Variants in TANC1 observed in about 807,000 individuals in gnomAD.
TANC1 encodes the protein tetratricopeptide repeat, ankyrin repeat and coiled-coil containing 1, also known as protein TANC1.
In TANC1, 77 loss-of-function variants were observed where a neutral mutation model predicts 149.7. The observed-to-expected ratio is 0.51, with a 90% CI of 0.43 to 0.62. The LOEUF is 0.62. Ranked by LOEUF, TANC1 falls within the 20% of genes least tolerant of loss-of-function variation. The pLI, the probability that TANC1 is intolerant of heterozygous loss-of-function variation, is 0.00. For missense variants in TANC1, 1,985 were observed against 2,321.8 expected (o/e 0.85, Z 2.98); for synonymous variants, 854 against 925.0 (o/e 0.92, Z 1.39).
intron 2 of TANC1, among the ~76,000 whole-genome samples, chr2:159,007,892 G>A (rs1421350020): frequency 2.0e-5 from 3 of 152,176 alleles, no homozygotes; most frequent in South Asian, 2.1e-4. Flanking sequence ...ACTGTGACAG[G>A]GCAGGTGCAG....
chr2:159,041,446 C>G (rs191409872), intron 2 of TANC1, among the ~76,000 whole-genome samples: 1 of 152,192 alleles, frequency 6.6e-6, no homozygotes, highest in African/African-American at 2.4e-5. Context: ...CCACACAGTT[C>G]GAGCTTCCCG....
intron 2 of TANC1, among the ~76,000 whole-genome samples, chr2:159,022,415 G>A (rs2038902818): frequency 6.6e-6 from 1 of 152,102 alleles, no homozygotes; most frequent in Non-Finnish European, 1.5e-5. Context: ...GTTTGTTCCG[G>A]GGTTCTATTC....
chr2:159,084,054 A>G (rs2044569041), intron 3 of TANC1, among the ~76,000 whole-genome samples: 1 of 152,214 alleles, frequency 6.6e-6, no homozygotes, highest in African/African-American at 2.4e-5. Flanking sequence ...GTTCGAGACC[A>G]TCCTGGCCAA....
chr2:159,141,148 C>G (rs934515405), intron 5 of TANC1, among the ~76,000 whole-genome samples: 2 of 152,186 alleles, frequency 1.3e-5, no homozygotes, highest in Non-Finnish European at 2.9e-5. Flanking sequence ...GATGGAAAGT[C>G]CAAGATCAAG....
intron 5 of TANC1, among the ~76,000 whole-genome samples, chr2:159,142,932 G>A (rs1210437442): frequency 2.0e-5 from 3 of 151,740 alleles, no homozygotes; most frequent in Non-Finnish European, 4.4e-5. Flanking sequence ...GCATGGTGGT[G>A]GGCACCTGTA....
intron 15 of TANC1, 43 bp downstream of exon 15, chr2:159,185,942 T>C: frequency 6.9e-7 from 1 of 1,457,776 alleles, no homozygotes; most frequent in Non-Finnish European, 9.6e-7. Flanking sequence ...TTTGTTGTCA[T>C]TTTGAGGTTT....
chr2:159,058,921 A>G (rs1574390781), intron 2 of TANC1, among the ~76,000 whole-genome samples: 2 of 152,354 alleles, frequency 1.3e-5, no homozygotes, highest in East Asian at 1.9e-4. Flanking sequence ...TTTCACCACA[A>G]TAGTTTCCAC....
intron 4 of TANC1, among the ~76,000 whole-genome samples, chr2:159,129,278 G>A (rs900022987): frequency 5.9e-5 from 9 of 152,128 alleles, no homozygotes; most frequent in Admixed American, 2.6e-4. Flanking sequence ...AGATAAAGCT[G>A]GGTTTGGTTT....
intron 3 of TANC1, among the ~76,000 whole-genome samples, chr2:159,078,052 T>C (rs1559215778): frequency 6.6e-6 from 1 of 152,232 alleles, no homozygotes. Flanking sequence ...CACATTTTTA[T>C]ATGTTTATGG....
At chr2:159,076,542 A>T (rs2043697763) in intron 3 of TANC1, among the ~76,000 whole-genome samples, 2 of 152,212 alleles carry the variant, frequency 1.3e-5, no homozygotes, top group Admixed American at 1.3e-4. Flanking sequence ...AGTTCCCAAC[A>T]GTAGATGGGG....
intron 4 of TANC1, among the ~76,000 whole-genome samples, chr2:159,122,149 G>A (rs1021871595): frequency 6.6e-6 from 1 of 152,154 alleles, no homozygotes; most frequent in Non-Finnish European, 1.5e-5. Flanking sequence ...TATTACCCAG[G>A]CTGGTCTGGA....
chr2:159,230,473 A>T lies in TANC1; in HGVS notation c.5047A>T (p.Thr1683Ser), dbSNP rs2060280669. 1 of 1,614,054 alleles carries T rather than the reference A, an allele frequency of 6.2e-7. No homozygotes were observed. Among genetic ancestry groups the T allele is most frequent in the African/African-American group, 1.3e-5 (1 of 74,918 alleles). Residue 1683 changes from threonine to serine, a missense_variant, in exon 27 of 27, where the codon ACT becomes TCT. Thr to Ser is a moderately conservative substitution (Grantham distance 58, BLOSUM62 1). Transcript: ENST00000263635. The surrounding 1 kb of genome is among the most constrained non-coding windows in gnomAD (Gnocchi z 4.4). Reference protein sequence around the residue: ...IKMSSSTSSLTSSSSFSDGFK... With the variant: ...IKMSSSTSSLSSSSSFSDGFK... Reference sequence around the variant, plus strand: ...GATGTCAAGTTCAACCAGTAGTTTGACTTCGAGCAGCAGTTTTTCAGATGG... The same window carrying T: ...GATGTCAAGTTCAACCAGTAGTTTGTCTTCGAGCAGCAGTTTTTCAGATGG...
Position 159,178,438 on chromosome 2 carries a change from C to A in TANC1, c.1903-118C>A, listed in dbSNP as rs1256166989. The A allele has an allele frequency of 9.2e-6, 11 of 1,190,282 alleles. No individual in the cohort carries two copies. The Admixed American group carries it at 2.5e-4, about 27-fold the overall frequency. The allele number at this position is 1,190,282 out of a possible 1,614,324, so 73.7% of individuals were successfully genotyped here. A position where few individuals can be genotyped will look rare whatever the true frequency, so the allele number is the denominator to read the frequency against. ...ACGTTTTAATACAAAACAATGAGTC[C>A]CTGTAATCCATGAAAATCCTCCTTG... is the stretch of plus-strand genomic sequence containing the variant. On this transcript the variant is annotated intron_variant, in intron 13 of 26. Coordinates refer to ENST00000263635, the MANE Select transcript of TANC1 (RefSeq NM_033394.3).
In TANC1 at chr2:159,019,651, CTGTTTTTTTTTTTTTTT is replaced by C. The variant is rs2038623731; in HGVS notation, c.-16+18464_-16+18480del. ...TCCCTAACTGCAGCTTGCTTTCTTT[CTGTTTTTTTTTTTTTTT>C]TTTTTTTTTTTTTTTTTTGAGGCAG... is the stretch of plus-strand genomic sequence containing the variant. On this transcript the variant is annotated intron_variant, in intron 2 of 26. Coordinates refer to ENST00000263635, the MANE Select transcript of TANC1 (RefSeq NM_033394.3). Among the ~76,000 whole-genome samples, 8 of 61,280 alleles carry C rather than the reference CTGTTTTTTTTTTTTTTT, an allele frequency of 1.3e-4. No homozygotes were observed. In the Admixed American group the frequency reaches 1.6e-3, roughly 12 times the overall value. 40.2% of individuals were successfully genotyped at this position (61,280 alleles called of 152,430 possible).
chr2:159,014,611 G>A (rs182553720), intron 2 of TANC1, among the ~76,000 whole-genome samples: 39 of 152,264 alleles, frequency 2.6e-4, no homozygotes, highest in African/African-American at 9.4e-4. Flanking sequence ...ATAGTCCAAA[G>A]TCTTATCTGA....
intron 1 of TANC1, among the ~76,000 whole-genome samples, chr2:158,999,094 G>C (rs1170976789): frequency 1.3e-5 from 2 of 152,160 alleles, no homozygotes; most frequent in Non-Finnish European, 1.5e-5. Flanking sequence ...ACCAAAGCCT[G>C]AGGCTGGGGA....
intron 2 of TANC1, among the ~76,000 whole-genome samples, chr2:159,054,871 C>G (rs967271898): frequency 2.0e-5 from 3 of 152,134 alleles, no homozygotes; most frequent in African/African-American, 7.2e-5. Context: ...AAAGTTTCCC[C>G]CTTAAAAATT....
intron 4 of TANC1, among the ~76,000 whole-genome samples, chr2:159,122,236 C>A (rs2048920180): frequency 6.6e-6 from 1 of 152,132 alleles, no homozygotes; most frequent in Admixed American, 6.5e-5. Context: ...CTGTTCCTGG[C>A]CTATTTTTTA....
At chr2:159,183,502 T>C (rs2056686616) in intron 14 of TANC1, among the ~76,000 whole-genome samples, 1 of 152,014 alleles carries the variant, frequency 6.6e-6, no homozygotes, top group Non-Finnish European at 1.5e-5. Context: ...GGAGGGACCT[T>C]ACGGATGTAA....
Sources: gnomAD v4.1 joint callset for allele counts (sites outside exome capture counted in the v4.1 genomes callset) on GRCh38, gnomAD v4.1.1 for gene constraint, Gnocchi (gnomAD v3.1) non-coding constraint, MANE v1.5 for transcripts, NCBI Gene and HGNC (gene_info 2026-07-23, HGNC 2026-07-21) for gene names.